AGTPBP1: variants seen among roughly 807,000 people sequenced by gnomAD.
AGTPBP1 encodes the protein ATP/GTP binding carboxypeptidase 1, also known as cytosolic carboxypeptidase 1.
AGTPBP1 carries 70 observed loss-of-function variants against 143.9 expected under a neutral mutation model. That is an observed-to-expected ratio of 0.49 (90% CI 0.40 to 0.59). The LOEUF is 0.59. AGTPBP1 is among the 20% of genes least tolerant of loss of function. The pLI, the probability that AGTPBP1 is intolerant of heterozygous loss-of-function variation, is 0.00. For missense variants in AGTPBP1, 1,229 were observed against 1,464.5 expected (o/e 0.84, Z 2.62); for synonymous variants, 463 against 500.2 (o/e 0.93, Z 0.99).
chr9:85,561,069 G>A (rs1826679963), intron 25 of AGTPBP1, among the ~76,000 whole-genome samples: 1 of 152,138 alleles, frequency 6.6e-6, no homozygotes. Flanking sequence ...AAGCAACTTA[G>A]CCTTAAAAGA....
chr9:85,730,672 T>C (rs1331750848), intron 1 of AGTPBP1, among the ~76,000 whole-genome samples: 3 of 152,188 alleles, frequency 2.0e-5, no homozygotes, highest in Non-Finnish European at 4.4e-5. Context: ...ACTTGCCCTT[T>C]GACATAGCCT....
At chr9:85,783,552 C>T in the AGTPBP1 span, among the ~76,000 whole-genome samples, 2 of 151,964 alleles carry the variant, frequency 1.3e-5, no homozygotes, top group Non-Finnish European at 2.9e-5. Flanking sequence ...TTACATCAAA[C>T]TCTGAGTTCC....
intron 6 of AGTPBP1, among the ~76,000 whole-genome samples, chr9:85,674,122 T>TAAAA (rs35435972): frequency 2.6e-5 from 3 of 117,568 alleles, no homozygotes. Context: ...GACTCCATCT[T>TAAAA]AAAAAAAAAA....
At chr9:85,661,421 A>C (rs1587848829) in intron 8 of AGTPBP1, among the ~76,000 whole-genome samples, 2 of 152,228 alleles carry the variant, frequency 1.3e-5, no homozygotes, top group East Asian at 3.9e-4. Context: ...CTGACTTCAA[A>C]GTATTTCCAT....
chr9:85,690,125 T>C (rs2134245524), intron 3 of AGTPBP1, among the ~76,000 whole-genome samples: 1 of 152,006 alleles, frequency 6.6e-6, no homozygotes, highest in South Asian at 2.1e-4. Flanking sequence ...CTAATTTCTG[T>C]CAATCTGACT....
At chr9:85,741,454 A>G (rs1248861794) in intron 1 of AGTPBP1, 3 of 985,102 alleles carry the variant, frequency 3.0e-6, no homozygotes, top group Non-Finnish European at 3.6e-6. Flanking sequence ...GGCTGAGCAG[A>G]AAGGGCGGCC....
chr9:85,632,636 G>A, intron 14 of AGTPBP1, 26 bp downstream of exon 14: 2 of 1,534,112 alleles, frequency 1.3e-6, no homozygotes, highest in South Asian at 1.3e-5. Flanking sequence ...GCCTTATTTA[G>A]AAGAGGGAAG....
chr9:85,777,978 G>A, the AGTPBP1 span, among the ~76,000 whole-genome samples: 1 of 152,274 alleles, frequency 6.6e-6, no homozygotes, highest in Non-Finnish European at 1.5e-5. Context: ...ATATCGTGGA[G>A]AACCGTCTGT....
At chr9:85,705,506 T>C (rs1453511649) in intron 2 of AGTPBP1, among the ~76,000 whole-genome samples, 3 of 151,752 alleles carry the variant, frequency 2.0e-5, no homozygotes, top group East Asian at 1.9e-4. Context: ...GCAAGACATA[T>C]CTCTGTTCAT....
At chr9:85,644,935 T>C (rs1223480586) in intron 12 of AGTPBP1, among the ~76,000 whole-genome samples, 2 of 152,208 alleles carry the variant, frequency 1.3e-5, no homozygotes, top group East Asian at 3.9e-4. Flanking sequence ...AAAAAGAAGA[T>C]AATAAAGCTC....
chr9:85,760,041 C>T, the AGTPBP1 span, among the ~76,000 whole-genome samples: 1 of 152,072 alleles, frequency 6.6e-6, no homozygotes, highest in East Asian at 1.9e-4. Context: ...AATTCCTGGA[C>T]ACGTACACCC....
chr9:85,550,219 A>AGAGAGAG (rs1296755774), intron 25 of AGTPBP1, among the ~76,000 whole-genome samples: 6 of 139,810 alleles, frequency 4.3e-5, no homozygotes, highest in African/African-American at 1.1e-4. Flanking sequence ...GAGAGAGAGA[A>AGAGAGAG]AGATATCAGG....
At position 85,657,419 on chromosome 9, in the gene AGTPBP1, GAAGAA is replaced by G; in HGVS notation, c.909+11_909+15del. 1.3e-6 allele frequency: 2 copies of G among 1,588,894 alleles called. No homozygotes were observed. Among genetic ancestry groups the G allele is most frequent in the Non-Finnish European group, 1.7e-6 (2 of 1,163,662 alleles). Reference sequence around the variant, plus strand: ...TATTAGTACATAATCACAATAATAAGAAGAAAATAACTCACTTGCGAAGTATTATA... The same window carrying G: ...TATTAGTACATAATCACAATAATAAGAATAACTCACTTGCGAAGTATTATA... On this transcript the variant is annotated intron_variant, in intron 10 of 25. Coordinates refer to ENST00000357081, the MANE Select transcript of AGTPBP1 (RefSeq NM_001330701.2).
intron 13 of AGTPBP1, among the ~76,000 whole-genome samples, chr9:85,641,073 A>AC (rs2133807056): frequency 6.6e-6 from 1 of 152,294 alleles, no homozygotes; most frequent in East Asian, 1.9e-4. Flanking sequence ...TATGCAACTG[A>AC]CCTGTTAGTC....
At chr9:85,745,675 T>C (rs573769244), upstream of AGTPBP1, among the ~76,000 whole-genome samples, 1 of 152,304 alleles carries the variant, frequency 6.6e-6, no homozygotes, top group African/African-American at 2.4e-5. Context: ...TGGTAAACTG[T>C]GAATGATATA....
intron 14 of AGTPBP1, among the ~76,000 whole-genome samples, chr9:85,622,542 T>A (rs1417244988): frequency 4.6e-5 from 7 of 152,248 alleles, no homozygotes; most frequent in African/African-American, 1.7e-4. Context: ...AAAAAAAGTA[T>A]AATGCTAAAA....
At chr9:85,772,141 C>A in the AGTPBP1 span, among the ~76,000 whole-genome samples, 3 of 150,706 alleles carry the variant, frequency 2.0e-5, no homozygotes, top group Non-Finnish European at 4.4e-5. Context: ...ATGCCCAGCT[C>A]ATTTTTGTAT....
the AGTPBP1 span, among the ~76,000 whole-genome samples, chr9:85,762,025 C>T: frequency 1.3e-5 from 2 of 152,186 alleles, no homozygotes; most frequent in African/African-American, 2.4e-5. Flanking sequence ...AAAAAATGCT[C>T]ATCATCACTG....
At chr9:85,705,301 AAGC>A (rs1181310598) in intron 2 of AGTPBP1, among the ~76,000 whole-genome samples, 4 of 152,118 alleles carry the variant, frequency 2.6e-5, no homozygotes, top group Non-Finnish European at 5.9e-5. Flanking sequence ...AAATGGGAAA[AAGC>A]AGCCAAATAA....
Sources: allele counts gnomAD v4.1 joint callset (sites outside exome capture counted in the v4.1 genomes callset), GRCh38; gene constraint gnomAD v4.1.1; transcripts MANE v1.5; gene names NCBI Gene and HGNC (gene_info 2026-07-23, HGNC 2026-07-21).